Variants in LARGE1 observed in about 807,000 individuals in gnomAD.
LARGE1 encodes the protein xylosyl- and glucuronyltransferase LARGE1.
Under a neutral mutation model 87.6 loss-of-function variants are expected in LARGE1, and 43 were observed. That is an observed-to-expected ratio of 0.49 (90% CI 0.38 to 0.63). The LOEUF (loss-of-function observed/expected upper bound fraction) is 0.63, where lower values mean the gene tolerates loss of function less well. LARGE1 is among the 30% of genes least tolerant of loss of function. LARGE1 has a pLI of 0.00. For missense variants in LARGE1, 802 were observed against 1,000.2 expected (o/e 0.80, Z 2.67); for synonymous variants, 434 against 394.6 (o/e 1.10, Z -1.18).
intron 9 of LARGE1, among the ~76,000 whole-genome samples, chr22:33,338,313 T>G (rs11913820): frequency 0.028 from 4,203 of 152,156 alleles, 162 homozygotes; most frequent in African/African-American, 0.096. Context: ...CCTCCTTCCT[T>G]TAGCAGCAGC....
intron 1 of LARGE1, among the ~76,000 whole-genome samples, chr22:33,839,096 C>A (rs76556385): frequency 0.024 from 3,582 of 152,212 alleles, 144 homozygotes; most frequent in African/African-American, 0.081. Context: ...GGCTGAGTAA[C>A]TTATAAAGAA....
chr22:33,534,312 G>C (rs1467231459), intron 6 of LARGE1, among the ~76,000 whole-genome samples: 1 of 152,128 alleles, frequency 6.6e-6, no homozygotes, highest in Non-Finnish European at 1.5e-5. Flanking sequence ...GCTGAGGCAG[G>C]AGAATGGTGT....
intron 7 of LARGE1, among the ~76,000 whole-genome samples, chr22:33,411,898 A>C (rs186328763): frequency 6.6e-6 from 1 of 152,382 alleles, no homozygotes; most frequent in Non-Finnish European, 1.5e-5. Flanking sequence ...AAGAATATGC[A>C]TATATACAGA....
intron 2 of LARGE1, among the ~76,000 whole-genome samples, chr22:33,727,129 G>A (rs1405479935): frequency 6.6e-6 from 1 of 152,178 alleles, no homozygotes; most frequent in Non-Finnish European, 1.5e-5. Flanking sequence ...CTGGAAGACA[G>A]TTATGGATGG....
At chr22:33,448,764 C>T (rs1435931829) in intron 6 of LARGE1, among the ~76,000 whole-genome samples, 1 of 152,164 alleles carries the variant, frequency 6.6e-6, no homozygotes, top group Non-Finnish European at 1.5e-5. Context: ...TACCGTACAA[C>T]TCAATGAATT....
chr22:33,197,980 C>A (rs2146204683), intron 11 of LARGE1, among the ~76,000 whole-genome samples: 1 of 152,186 alleles, frequency 6.6e-6, no homozygotes, highest in East Asian at 1.9e-4. Context: ...GTCAAATGAT[C>A]TTCAACAAAA....
At chr22:33,247,205 A>T (rs550333372) in intron 11 of LARGE1, among the ~76,000 whole-genome samples, 1 of 152,284 alleles carries the variant, frequency 6.6e-6, no homozygotes, top group East Asian at 1.9e-4. Context: ...TTTTAAAAAA[A>T]GTGAGGCATA....
At chr22:33,587,250 T>G (rs887120270) in intron 5 of LARGE1, among the ~76,000 whole-genome samples, 3 of 152,230 alleles carry the variant, frequency 2.0e-5, no homozygotes, top group Non-Finnish European at 4.4e-5. Context: ...AATACCATGA[T>G]GAAAATCCTT....
At chr22:33,104,923 CT>C in the LARGE1 span, among the ~76,000 whole-genome samples, 1 of 128,520 alleles carries the variant, frequency 7.8e-6, no homozygotes, top group African/African-American at 2.8e-5. Context: ...TTCTTTCTTT[CT>C]TTCTTTCTTT....
chr22:33,785,133 G>T (rs1184254147), intron 1 of LARGE1, among the ~76,000 whole-genome samples: 1 of 140,948 alleles, frequency 7.1e-6, no homozygotes, highest in Non-Finnish European at 1.5e-5. Flanking sequence ...GCATATATGT[G>T]TATACATACA....
rs12158042 is a variant in LARGE1 at position 33,683,173 on chromosome 22, A to G, written c.107-32505T>C. Among the ~76,000 whole-genome samples the G allele has an allele frequency of 7.5e-4, 115 of 152,342 alleles. 1 individual carries two copies. The highest frequency in any genetic ancestry group is 2.5e-3 in the African/African-American group (106 of 41,584). ...ACATTATTCTGGGTGTGCCTGTGAG[A>G]GTATTTCTGGATGAGATTAACATTT... On this transcript the variant is annotated intron_variant, in intron 2 of 14. Coordinates refer to ENST00000397394, the MANE Select transcript of LARGE1 (RefSeq NM_133642.5).
At chr22:33,556,602 G>T (rs1345316259) in intron 6 of LARGE1, among the ~76,000 whole-genome samples, 1 of 146,996 alleles carries the variant, frequency 6.8e-6, no homozygotes, top group Non-Finnish European at 1.5e-5. Context: ...CAGGCAGGTA[G>T]GGAGGCAGGG....
chr22:33,644,503 A>C (rs1444859086), intron 3 of LARGE1, among the ~76,000 whole-genome samples: 1 of 152,226 alleles, frequency 6.6e-6, no homozygotes, highest in African/African-American at 2.4e-5. Context: ...AACTGGCACA[A>C]GACAAGGATG....
the LARGE1 span, among the ~76,000 whole-genome samples, chr22:33,156,126 C>A: frequency 6.6e-6 from 1 of 152,184 alleles, no homozygotes; most frequent in Non-Finnish European, 1.5e-5. Context: ...CATGGAGAAC[C>A]TCTGCTAGGG....
chr22:33,308,686 T>C (rs892371269), intron 11 of LARGE1, among the ~76,000 whole-genome samples: 6 of 152,118 alleles, frequency 3.9e-5, no homozygotes, highest in Non-Finnish European at 8.8e-5. Context: ...GGCGTTCCCA[T>C]GGTCCCTGCT....
intron 11 of LARGE1, among the ~76,000 whole-genome samples, chr22:33,223,216 G>A (rs765317166): frequency 3.9e-5 from 6 of 152,262 alleles, no homozygotes; most frequent in Admixed American, 1.3e-4. Flanking sequence ...ACTGTTATTC[G>A]TTCGCTTCCT....
intron 1 of LARGE1, among the ~76,000 whole-genome samples, chr22:33,841,251 T>C (rs567478257): frequency 7.9e-5 from 12 of 152,264 alleles, no homozygotes; most frequent in African/African-American, 2.9e-4. Flanking sequence ...CTCTTACAAA[T>C]GTACAAAAAA....
intron 11 of LARGE1, among the ~76,000 whole-genome samples, chr22:33,196,123 T>A (rs1452519089): frequency 1.2e-4 from 14 of 117,372 alleles, no homozygotes; most frequent in Admixed American, 2.5e-4. Flanking sequence ...AAACCCAAAG[T>A]AAATTAAAAA....
chr22:33,834,594 G>A (rs2063061719), intron 1 of LARGE1, among the ~76,000 whole-genome samples: 1 of 151,912 alleles, frequency 6.6e-6, no homozygotes, highest in South Asian at 2.1e-4. Context: ...CTCTCTTTTC[G>A]GACTCAGCCC....
Sources: allele counts gnomAD v4.1 joint callset (sites outside exome capture counted in the v4.1 genomes callset), GRCh38; gene constraint gnomAD v4.1.1; transcripts MANE v1.5; gene names NCBI Gene and HGNC (gene_info 2026-07-23, HGNC 2026-07-21).